The following FHL1 variants were observed in gnomAD, a reference collection of about 807,000 sequenced individuals.
FHL1 encodes four and a half LIM domains protein 1.
Under a neutral mutation model 20.3 loss-of-function variants are expected in FHL1, and 1 was observed. The observed-to-expected ratio is 0.05, with a 90% confidence interval of 0.02 to 0.23. The LOEUF is 0.23. Ranked by LOEUF, FHL1 falls within the 10% of genes least tolerant of loss-of-function variation. The pLI is 1.00. For missense variants in FHL1, 177 were observed against 234.0 expected, an observed-to-expected ratio of 0.76 and a Z score of 1.59; for synonymous variants, 82 against 88.9, an observed-to-expected ratio of 0.92 and a Z score of 0.44.
In FHL1 at chrX:136,204,911, T is replaced by C. The variant is rs763708040; in HGVS notation, c.23-1496T>C. ...GGGAATGGAACCCAAAGTGAGACTT[T>C]GGGGCTTTCAGTTAGTGGAAGAGCT... On this transcript the variant is annotated intron_variant, in intron 1 of 5. Coordinates refer to ENST00000370683, the MANE Select transcript of FHL1 (RefSeq NM_001159699.2). The C allele has an allele frequency of 1.7e-3, 194 of 112,390 alleles. 1 individual carries two copies. The highest frequency in any genetic ancestry group is 5.9e-3 in the African/African-American group (184 of 30,945). The allele number at this position is 112,390 out of a possible 1,213,427, so 9.3% of individuals were successfully genotyped here.
chrX:136,158,414 G>A (rs1344062845), intron 1 of FHL1, among the ~76,000 whole-genome samples: 2 of 111,436 alleles, frequency 1.8e-5, no homozygotes, highest in South Asian at 3.8e-4. Context: ...CTATTACTTC[G>A]GCATGCGTCG....
upstream of FHL1, chrX:136,196,879 G>A (rs560323172): frequency 1.7e-5 from 20 of 1,158,912 alleles, no homozygotes; most frequent in African/African-American, 2.0e-4. Flanking sequence ...TATATGTAGC[G>A]TTTGGTATTT....
In FHL1 at chrX:136,197,112, C is replaced by A; in HGVS notation, c.-1C>A. 1 of 1,208,670 alleles carries A rather than the reference C, an allele frequency of 8.3e-7. No individual in the cohort carries two copies. The highest frequency in any genetic ancestry group is 1.1e-6 in the Non-Finnish European group (1 of 893,441). The stretch of plus-strand genomic sequence containing the variant: ...CTGCTCCTGAACTTGGTCTCTGAGC[C>A]ATGGCTTCCCATAGACACTCAGGTA... On this transcript the variant is annotated 5_prime_UTR_variant, in exon 1 of 6. Coordinates refer to ENST00000370683, the MANE Select transcript of FHL1 (RefSeq NM_001159699.2).
chrX:136,146,863 G>A, upstream of FHL1: 1 of 327,895 alleles, frequency 3.0e-6, no homozygotes, highest in East Asian at 9.8e-5. Context: ...TGGGATTATG[G>A]ATGGGGCTTA....
intron 1 of FHL1, among the ~76,000 whole-genome samples, chrX:136,203,066 G>T (rs1336030600): frequency 1.8e-5 from 2 of 112,566 alleles, no homozygotes. Context: ...AGCTAATTCA[G>T]GTTGCCCAGA....
intron 2 of FHL1, among the ~76,000 whole-genome samples, chrX:136,190,108 C>T (rs1166663454): frequency 1.8e-5 from 2 of 111,730 alleles, no homozygotes; most frequent in East Asian, 5.6e-4. Flanking sequence ...TGTTGATTAT[C>T]ATTGGAAATG....
intron 2 of FHL1, among the ~76,000 whole-genome samples, chrX:136,188,889 C>T (rs951062125): frequency 9.0e-6 from 1 of 111,482 alleles, no homozygotes; most frequent in Non-Finnish European, 1.9e-5. Flanking sequence ...AGAGTCATTT[C>T]TGTAAGTGGC....
chrX:136,209,259 A>G (rs2073940727), intron 5 of FHL1: 1 of 1,207,730 alleles, frequency 8.3e-7, no homozygotes, highest in Non-Finnish European at 1.1e-6. Context: ...GGACTGTGTC[A>G]AGAGTGAGCC....
chrX:136,197,609 A>G (rs1487373919), intron 1 of FHL1, among the ~76,000 whole-genome samples: 1 of 112,746 alleles, frequency 8.9e-6, no homozygotes, highest in Non-Finnish European at 1.9e-5. Context: ...TTTTGCTGAC[A>G]ATGTTTTAAA....
Position 136,206,111 on chromosome X carries a change from C to T in FHL1, c.23-296C>T, listed in dbSNP as rs1029336527. ...AGGCTCTGATCCACTTGCCCCGCTC[C>T]GCATCTTTTGTGAATCAGCACAGTT... On this transcript the variant is annotated intron_variant, in intron 1 of 5. Transcript: ENST00000370683. 15 of 395,918 alleles carry T rather than the reference C, an allele frequency of 3.8e-5. No individual in the cohort carries two copies. In the Middle Eastern group the frequency reaches 2.8e-3, roughly 75 times the overall value. The allele number at this position is 395,918 out of a possible 1,213,427, so 32.6% of individuals were successfully genotyped here.
intron 2 of FHL1, among the ~76,000 whole-genome samples, chrX:136,177,556 G>A (rs1247513818): frequency 8.9e-6 from 1 of 112,075 alleles, no homozygotes; most frequent in Non-Finnish European, 1.9e-5. Context: ...TCTGTTTACA[G>A]GTCTTTTCAG....
chrX:136,160,416 T>G (rs2072534809), intron 1 of FHL1, among the ~76,000 whole-genome samples: 1 of 111,787 alleles, frequency 8.9e-6, no homozygotes, highest in African/African-American at 3.3e-5. Flanking sequence ...TTCGCCTGTT[T>G]AGTTTTTTTG....
upstream of FHL1, among the ~76,000 whole-genome samples, chrX:136,195,283 C>T (rs759191503): frequency 2.7e-5 from 3 of 112,404 alleles, no homozygotes; most frequent in East Asian, 2.8e-4. Context: ...TTGTTCACAG[C>T]GCTGCAAGAG....
chrX:136,152,965 AT>A (rs1459404716), intron 1 of FHL1, among the ~76,000 whole-genome samples: 4 of 111,750 alleles, frequency 3.6e-5, no homozygotes, highest in Non-Finnish European at 7.5e-5. Flanking sequence ...CCTGGAAGTT[AT>A]GGAAATCTGT....
intron 2 of FHL1, 47 bp from the exon 3 acceptor site, chrX:136,206,969 C>T (rs367738800): frequency 8.4e-7 from 1 of 1,191,027 alleles, no homozygotes; most frequent in African/African-American, 1.8e-5. Flanking sequence ...CCTGCCACCA[C>T]CCCCAGCACC....
intron 1 of FHL1, among the ~76,000 whole-genome samples, chrX:136,200,200 C>A (rs1787298617): frequency 9.0e-6 from 1 of 111,562 alleles, no homozygotes; most frequent in Non-Finnish European, 1.9e-5. Flanking sequence ...ATTTTATCAC[C>A]CAGCCACATT....
At chrX:136,148,510 G>A (rs1405183549) in intron 1 of FHL1, 3 of 110,410 alleles carry the variant, frequency 2.7e-5, no homozygotes, top group African/African-American at 6.6e-5. Context: ...CAAAACTGCA[G>A]GGCGTGACCT....
chrX:136,153,506 G>C (rs2148264478), intron 1 of FHL1, among the ~76,000 whole-genome samples: 1 of 112,042 alleles, frequency 8.9e-6, no homozygotes, highest in South Asian at 3.7e-4. Flanking sequence ...CAACCACTGT[G>C]TATAGACAGA....
At chrX:136,161,198 G>A (rs958575239) in intron 1 of FHL1, among the ~76,000 whole-genome samples, 1 of 111,405 alleles carries the variant, frequency 9.0e-6, no homozygotes, top group Non-Finnish European at 1.9e-5. Context: ...GGACAGGCAT[G>A]TGACAGCATC....
Sources: allele counts gnomAD v4.1 joint callset (sites outside exome capture counted in the v4.1 genomes callset), GRCh38; gene constraint gnomAD v4.1.1; transcripts MANE v1.5; gene names NCBI Gene and HGNC (gene_info 2026-07-23, HGNC 2026-07-21).